The following CNTNAP2 variants were observed in gnomAD, a reference collection of about 807,000 sequenced individuals.
CNTNAP2 encodes contactin associated protein 2, also known as contactin-associated protein-like 2.
A neutral mutation model predicts 155.2 loss-of-function variants in CNTNAP2; 98 were observed. The observed-to-expected ratio is 0.63, with a 90% confidence interval of 0.54 to 0.75. The LOEUF (loss-of-function observed/expected upper bound fraction) is 0.75. Among genes scored for constraint, CNTNAP2 ranks in the 30% least tolerant of loss-of-function variants. CNTNAP2 has a pLI of 0.00. For synonymous variants in CNTNAP2, 651 were observed against 631.2 expected (o/e 1.03, Z -0.47); for missense variants, 1,727 against 1,688.1 (o/e 1.02, Z -0.40).
intron 10 of CNTNAP2, among the ~76,000 whole-genome samples, chr7:147,470,836 C>G (rs891163588): frequency 1.3e-5 from 2 of 151,926 alleles, no homozygotes; most frequent in Non-Finnish European, 2.9e-5. Context: ...AATCTGATGT[C>G]CTTATAATGA....
intron 11 of CNTNAP2, among the ~76,000 whole-genome samples, chr7:147,503,221 T>C (rs1180120092): frequency 6.6e-6 from 1 of 152,166 alleles, no homozygotes; most frequent in African/African-American, 2.4e-5. Context: ...CCTTGACTTG[T>C]ACATGCCTCA....
intron 13 of CNTNAP2, among the ~76,000 whole-genome samples, chr7:147,841,762 T>G (rs1005869602): frequency 2.6e-5 from 4 of 152,174 alleles, no homozygotes; most frequent in Non-Finnish European, 5.9e-5. Flanking sequence ...AAAATAGTAT[T>G]TATACATAAA....
At chr7:146,947,077 G>T (rs1322746358) in intron 3 of CNTNAP2, among the ~76,000 whole-genome samples, 1 of 151,646 alleles carries the variant, frequency 6.6e-6, no homozygotes, top group Admixed American at 6.6e-5. Context: ...TGTTGCCCAG[G>T]TTGGAGTGCA....
At chr7:148,095,066 G>A (rs1017459062) in intron 15 of CNTNAP2, among the ~76,000 whole-genome samples, 1 of 152,160 alleles carries the variant, frequency 6.6e-6, no homozygotes, top group African/African-American at 2.4e-5. Flanking sequence ...AGTTAAATGA[G>A]CTTGAGTCAA....
At chr7:148,132,764 G>A (rs915742047) in intron 16 of CNTNAP2, among the ~76,000 whole-genome samples, 1 of 152,102 alleles carries the variant, frequency 6.6e-6, no homozygotes, top group Non-Finnish European at 1.5e-5. Flanking sequence ...CCTTTTGTTG[G>A]GAGCCTCATT....
intron 1 of CNTNAP2, among the ~76,000 whole-genome samples, chr7:146,623,281 A>G (rs1799363940): frequency 6.6e-6 from 1 of 152,092 alleles, no homozygotes; most frequent in Admixed American, 6.6e-5. Flanking sequence ...GACTTCCTGC[A>G]TACGTTTTAA....
intron 21 of CNTNAP2, among the ~76,000 whole-genome samples, chr7:148,373,960 C>T (rs1798935672): frequency 6.6e-6 from 1 of 152,194 alleles, no homozygotes; most frequent in African/African-American, 2.4e-5. Context: ...GCTCTGTTTT[C>T]TGAACATCAT....
intron 1 of CNTNAP2, among the ~76,000 whole-genome samples, chr7:146,671,071 A>G (rs1026606603): frequency 6.6e-6 from 1 of 152,236 alleles, no homozygotes; most frequent in Admixed American, 6.5e-5. Context: ...AGGACAGCTT[A>G]TCTCAGAGTT....
chr7:148,214,462 A>C (rs1795602801), intron 18 of CNTNAP2, among the ~76,000 whole-genome samples: 1 of 152,274 alleles, frequency 6.6e-6, no homozygotes, highest in African/African-American at 2.4e-5. Context: ...TCATCTTCAC[A>C]CTTCAGTAAG....
At chr7:146,187,363 T>G (rs1184671104) in intron 1 of CNTNAP2, among the ~76,000 whole-genome samples, 1 of 152,030 alleles carries the variant, frequency 6.6e-6, no homozygotes, top group African/African-American at 2.4e-5. Context: ...TTGGCAATGG[T>G]AGAAGCAAAG....
chr7:147,169,572 G>A (rs892928391), intron 8 of CNTNAP2, among the ~76,000 whole-genome samples: 3 of 149,928 alleles, frequency 2.0e-5, no homozygotes, highest in Non-Finnish European at 3.0e-5. Flanking sequence ...TAGGATAATG[G>A]CCTCCAGCTC....
chr7:147,929,920 C>G (rs1800466924), intron 14 of CNTNAP2, among the ~76,000 whole-genome samples: 1 of 152,118 alleles, frequency 6.6e-6, no homozygotes, highest in Admixed American at 6.6e-5. Flanking sequence ...AACCTAGATC[C>G]CTTGCACACG....
chr7:146,461,941 T>G (rs1156279922), intron 1 of CNTNAP2, among the ~76,000 whole-genome samples: 1 of 152,238 alleles, frequency 6.6e-6, no homozygotes, highest in African/African-American at 2.4e-5. Context: ...TTTTCTTGTT[T>G]CCTAATAAGC....
intron 4 of CNTNAP2, among the ~76,000 whole-genome samples, chr7:147,086,687 C>A (rs1026074516): frequency 6.6e-6 from 1 of 152,100 alleles, no homozygotes; most frequent in East Asian, 1.9e-4. Context: ...ATTCTCCACC[C>A]CAGCCTCCCA....
intron 2 of CNTNAP2, among the ~76,000 whole-genome samples, chr7:146,837,016 C>T (rs1012537593): frequency 6.6e-6 from 1 of 152,064 alleles, no homozygotes; most frequent in Non-Finnish European, 1.5e-5. Flanking sequence ...TCTTTAGCAT[C>T]GTCTTTCAGC....
chr7:148,412,877 A>AC (rs1799873869), intron 23 of CNTNAP2, among the ~76,000 whole-genome samples: 1 of 152,186 alleles, frequency 6.6e-6, no homozygotes, highest in Non-Finnish European at 1.5e-5. Context: ...CTCATAGTTT[A>AC]CTGAAAGCTG....
intron 14 of CNTNAP2, among the ~76,000 whole-genome samples, chr7:147,929,710 A>C (rs1490357077): frequency 1.3e-5 from 2 of 152,294 alleles, no homozygotes; most frequent in South Asian, 4.1e-4. Flanking sequence ...TTTTAATCTC[A>C]GTACCTACTT....
At chr7:146,934,384 T>C (rs1046252911) in intron 3 of CNTNAP2, among the ~76,000 whole-genome samples, 1 of 135,604 alleles carries the variant, frequency 7.4e-6, no homozygotes, top group African/African-American at 2.8e-5. Flanking sequence ...AGATGGGAAT[T>C]GAACAATGAG....
intron 17 of CNTNAP2, among the ~76,000 whole-genome samples, chr7:148,150,796 T>C (rs1362871311): frequency 6.6e-6 from 1 of 152,030 alleles, no homozygotes; most frequent in Non-Finnish European, 1.5e-5. Context: ...CAGGCTGGAG[T>C]ACAGTGGCAT....
Sources: allele counts gnomAD v4.1 joint callset (sites outside exome capture counted in the v4.1 genomes callset), GRCh38; gene constraint gnomAD v4.1.1; transcripts MANE v1.5; gene names NCBI Gene and HGNC (gene_info 2026-07-23, HGNC 2026-07-21).